Variants in CUL4B observed in about 807,000 individuals in gnomAD.
CUL4B encodes the protein cullin-4B.
A neutral mutation model predicts 69.2 loss-of-function variants in CUL4B; 1 was observed. The ratio of observed to expected loss-of-function variants is 0.01; its 90% CI spans 0.01 to 0.07. CUL4B has a LOEUF of 0.07. Ranked by LOEUF, CUL4B falls within the 10% of genes least tolerant of loss-of-function variation. CUL4B has a pLI of 1.00. For missense variants in CUL4B, 328 were observed against 638.8 expected, an observed-to-expected ratio of 0.51 and a Z score of 5.24; for synonymous variants, 237 against 223.2, an observed-to-expected ratio of 1.06 and a Z score of -0.55.
At chrX:120,574,001 A>AT (rs1419678722) in intron 2 of CUL4B, among the ~76,000 whole-genome samples, 2 of 107,779 alleles carry the variant, frequency 1.9e-5, no homozygotes, top group Non-Finnish European at 3.8e-5. Context: ...TAATTTGTGT[A>AT]TTTTTAGTAG....
At chrX:120,528,209 C>G (rs1923101657) in intron 19 of CUL4B, among the ~76,000 whole-genome samples, 1 of 108,691 alleles carries the variant, frequency 9.2e-6, no homozygotes, top group Non-Finnish European at 1.9e-5. Context: ...AAGTTTGAGA[C>G]CAGACTGGCT....
intron 4 of CUL4B, among the ~76,000 whole-genome samples, chrX:120,545,719 G>GA (rs1392653241): frequency 1.8e-5 from 2 of 110,174 alleles, no homozygotes; most frequent in Admixed American, 9.8e-5. Context: ...GTGTTTTCTA[G>GA]AAAAAAGACA....
At chrX:120,566,578 G>A (rs1293332160), downstream of CUL4B, among the ~76,000 whole-genome samples, 1 of 105,644 alleles carries the variant, frequency 9.5e-6, no homozygotes, top group Non-Finnish European at 1.9e-5. Context: ...TGTGTTTTTA[G>A]TAGAGACGGG....
Position 120,526,965 on chromosome X carries a change from C to T in CUL4B, c.2593-109G>A, listed in dbSNP as rs1181494040. 4 of 381,780 alleles carry T rather than the reference C, an allele frequency of 1.0e-5. No individual in the cohort carries two copies. The South Asian group carries it at 1.5e-4, about 14-fold the overall frequency. The allele number at this position is 381,780 out of a possible 1,213,427, so 31.5% of individuals were successfully genotyped here. The stretch of plus-strand genomic sequence containing the variant: ...CAGTTTCGGCTCATGAATTTAATCT[C>T]CTTTTTTAAAATTTTTATTTATTTA... On this transcript the variant is annotated intron_variant, in intron 19 of 19. Coordinates refer to ENST00000371322, the MANE Select transcript of CUL4B (RefSeq NM_001079872.2).
At chrX:120,531,010 T>C (rs1361960058) in intron 18 of CUL4B, among the ~76,000 whole-genome samples, 1 of 111,643 alleles carries the variant, frequency 9.0e-6, no homozygotes, top group Non-Finnish European at 1.9e-5. Context: ...TGTTTGGAGA[T>C]ACTGGTCGCT....
At chrX:120,556,391 T>TA (rs1436001650) in intron 2 of CUL4B, among the ~76,000 whole-genome samples, 1 of 112,061 alleles carries the variant, frequency 8.9e-6, no homozygotes, top group African/African-American at 3.2e-5. Context: ...ATGTGGCTTG[T>TA]AAAAAAGTTT....
At chrX:120,570,249 G>A (rs1385919050), downstream of CUL4B, among the ~76,000 whole-genome samples, 3 of 111,782 alleles carry the variant, frequency 2.7e-5, no homozygotes, top group Non-Finnish European at 5.6e-5. Flanking sequence ...GGTTTGACAC[G>A]TGCAAAGTAA....
chrX:120,533,215 G>T (rs1467066062), intron 17 of CUL4B, among the ~76,000 whole-genome samples: 1 of 111,803 alleles, frequency 8.9e-6, no homozygotes, highest in East Asian at 2.8e-4. Flanking sequence ...CCATTTTCAT[G>T]GTCTCATTCT....
At chrX:120,551,434 C>G (rs1304209088) in intron 2 of CUL4B, among the ~76,000 whole-genome samples, 3 of 110,872 alleles carry the variant, frequency 2.7e-5, no homozygotes, top group African/African-American at 9.9e-5. Flanking sequence ...CTCCTGACTT[C>G]AAGTGAACTG....
rs1922839094 is a variant in CUL4B at position 120,523,975 on chromosome X, G to A, written c.*2786C>T. Reference sequence around the variant, plus strand: ...GCCATTCACAGCATTAAACAGAGTGGTCATGAAAACAAAGACCAGCTCATT... The same window carrying A: ...GCCATTCACAGCATTAAACAGAGTGATCATGAAAACAAAGACCAGCTCATT... On this transcript the variant is annotated 3_prime_UTR_variant, in exon 20 of 20. Transcript: ENST00000371322. Among the ~76,000 whole-genome samples the A allele has an allele frequency of 9.0e-6, 1 of 111,684 alleles. No homozygotes were observed. Among genetic ancestry groups the A allele is most frequent in the South Asian group, 3.7e-4 (1 of 2,691 alleles).
chrX:120,551,499 C>T (rs1277198436), intron 2 of CUL4B, among the ~76,000 whole-genome samples: 1 of 111,181 alleles, frequency 9.0e-6, no homozygotes, highest in Non-Finnish European at 1.9e-5. Context: ...CTTGGCCACC[C>T]GATTATAACC....
chrX:120,537,064 T>C, intron 14 of CUL4B, 30 bp from the exon 15 acceptor site: 1 of 977,305 alleles, frequency 1.0e-6, no homozygotes, highest in South Asian at 1.9e-5. Context: ...CACACTGAGA[T>C]CTTAAAACTG....
chrX:120,523,919 T>A lies in CUL4B; in HGVS notation c.*2842A>T, dbSNP rs1271451207. Among the ~76,000 whole-genome samples, 1 of 111,556 alleles carries A rather than the reference T, an allele frequency of 9.0e-6. No individual in the cohort carries two copies. Among genetic ancestry groups the A allele is most frequent in the African/African-American group, 3.3e-5 (1 of 30,768 alleles). ...ATTTGTTTTGGCAATTTTATGTAAA[T>A]AAGAGAATAGAACACGCTCACAACA... On this transcript the variant is annotated 3_prime_UTR_variant, in exon 20 of 20. Transcript: ENST00000371322.
chrX:120,559,882 G>A (rs902764854), intron 1 of CUL4B: 2 of 1,141,048 alleles, frequency 1.8e-6, no homozygotes, highest in East Asian at 3.3e-5. Flanking sequence ...AGAAACACCC[G>A]GTGTATGCTT....
chrX:120,543,949 G>T, intron 7 of CUL4B, 140 bp from the exon 8 acceptor site: 1 of 573,032 alleles, frequency 1.7e-6, no homozygotes, highest in Non-Finnish European at 2.9e-6. Context: ...TAGAGTTTAT[G>T]ATCCAGAATT....
rs1922975389 is a variant in CUL4B, at chrX:120,526,505, G to C, written c.*256C>G. The C allele has an allele frequency of 3.2e-5, 7 of 220,758 alleles. No individual in the cohort carries two copies. Among genetic ancestry groups the C allele is most frequent in the African/African-American group, 2.1e-4 (7 of 33,904 alleles). The allele number at this position is 220,758 out of a possible 1,213,427, so 18.2% of individuals were successfully genotyped here. A position where few individuals can be genotyped will look rare whatever the true frequency, so the allele number is the denominator to read the frequency against. On this transcript the variant is annotated 3_prime_UTR_variant, in exon 20 of 20. Coordinates refer to ENST00000371322, the MANE Select transcript of CUL4B (RefSeq NM_001079872.2). Reference sequence around the variant, plus strand: ...CCAAAGAGGAATTCATGAAGACCAGGTACGTTCTTAAGTGTTTTCTGCACA... The same window carrying C: ...CCAAAGAGGAATTCATGAAGACCAGCTACGTTCTTAAGTGTTTTCTGCACA...
At chrX:120,533,233 G>A (rs1008623505) in intron 17 of CUL4B, among the ~76,000 whole-genome samples, 2 of 111,979 alleles carry the variant, frequency 1.8e-5, no homozygotes, top group Admixed American at 1.9e-4. Flanking sequence ...TCTAGTCTAA[G>A]TCCCTTCTAC....
intron 2 of CUL4B, among the ~76,000 whole-genome samples, chrX:120,548,702 T>G (rs958612564): frequency 9.1e-6 from 1 of 109,554 alleles, no homozygotes; most frequent in African/African-American, 3.3e-5. Flanking sequence ...GACATGGTGG[T>G]GCACGCCTGT....
intron 2 of CUL4B, chrX:120,574,531 T>G (rs916560946): frequency 3.1e-5 from 37 of 1,175,274 alleles, no homozygotes; most frequent in Non-Finnish European, 4.1e-5. Context: ...CTCTTGAGTT[T>G]TACTAGTTCA....
Sources: gnomAD v4.1 joint callset for allele counts (sites outside exome capture counted in the v4.1 genomes callset) on GRCh38, gnomAD v4.1.1 for gene constraint, MANE v1.5 for transcripts, NCBI Gene and HGNC (gene_info 2026-07-23, HGNC 2026-07-21) for gene names.